Variants in CCDC60 observed in about 807,000 individuals in gnomAD.
CCDC60 encodes the protein coiled-coil domain containing 60.
In CCDC60, 54 loss-of-function variants were observed where a neutral mutation model predicts 63.5. The ratio of observed to expected loss-of-function variants is 0.85; its 90% CI spans 0.68 to 1.07. CCDC60 has a LOEUF of 1.07. Among genes scored for constraint, CCDC60 ranks in the 50% least tolerant of loss-of-function variants. The probability of loss-of-function intolerance (pLI) is 0.00; values close to 1 mark genes in which losing one functional copy is unlikely to be tolerated. For missense variants in CCDC60, 651 were observed against 684.3 expected, an observed-to-expected ratio of 0.95 and a Z score of 0.54; for synonymous variants, 206 against 238.8, an observed-to-expected ratio of 0.86 and a Z score of 1.27.
chr12:119,440,372 T>C (rs903855832), intron 2 of CCDC60, among the ~76,000 whole-genome samples: 2 of 151,810 alleles, frequency 1.3e-5, no homozygotes, highest in South Asian at 2.1e-4. Context: ...CTACTAAAAA[T>C]ACAAAAAATT....
rs1956587930 is a variant in CCDC60 at position 119,410,949 on chromosome 12, G to A, written c.91-17734G>A. ...TTTAGTAGAGACAGGGTTTTGCCAT[G>A]TTGGCTAGGCTGGCCTCAAGTGATC... On this transcript the variant is annotated intron_variant, in intron 1 of 13. Coordinates refer to ENST00000327554, the MANE Select transcript of CCDC60 (RefSeq NM_178499.5). This position sits in a 1 kb window ranked among gnomAD's most constrained non-coding sequence, Gnocchi z 4.0. Among the ~76,000 whole-genome samples, 1 of 152,092 alleles carries A rather than the reference G, an allele frequency of 6.6e-6. No individual in the cohort carries two copies. Among genetic ancestry groups the A allele is most frequent in the Admixed American group, 6.5e-5 (1 of 15,268 alleles).
intron 9 of CCDC60, 64 bp from the exon 10 acceptor site, chr12:119,522,875 T>C (rs1183748746): frequency 6.7e-6 from 10 of 1,486,342 alleles, no homozygotes; most frequent in Non-Finnish European, 9.4e-6. Context: ...CATGGAGCAC[T>C]GGGGGCACCC....
intron 12 of CCDC60, among the ~76,000 whole-genome samples, chr12:119,530,195 A>G (rs1952798018): frequency 6.6e-6 from 1 of 152,042 alleles, no homozygotes; most frequent in African/African-American, 2.4e-5. Flanking sequence ...GAAGCCCAAA[A>G]CATATAATGG....
chr12:119,476,458 C>T (rs1451733745), intron 3 of CCDC60, among the ~76,000 whole-genome samples: 2 of 152,114 alleles, frequency 1.3e-5, no homozygotes, highest in South Asian at 2.1e-4. Flanking sequence ...TGGAAGTGAA[C>T]ATTGGAGGAC....
At chr12:119,455,788 AAAG>A (rs1279844188) in intron 2 of CCDC60, among the ~76,000 whole-genome samples, 9 of 147,658 alleles carry the variant, frequency 6.1e-5, no homozygotes, top group East Asian at 2.1e-4. Context: ...AAAGAAAGAA[AAAG>A]AAGAAGAAAA....
intron 2 of CCDC60, among the ~76,000 whole-genome samples, chr12:119,445,862 C>G (rs984181890): frequency 1.3e-5 from 2 of 152,080 alleles, no homozygotes; most frequent in Non-Finnish European, 2.9e-5. Context: ...CGTGTGTTCT[C>G]AAGCTAAGCT....
intron 1 of CCDC60, among the ~76,000 whole-genome samples, chr12:119,415,729 C>T (rs561758873): frequency 6.6e-6 from 1 of 152,288 alleles, no homozygotes; most frequent in East Asian, 1.9e-4. Flanking sequence ...TAAATTAGCT[C>T]AGGGCTTAGT....
intron 1 of CCDC60, among the ~76,000 whole-genome samples, chr12:119,362,967 A>C (rs1319215842): frequency 6.6e-6 from 1 of 152,176 alleles, no homozygotes; most frequent in Non-Finnish European, 1.5e-5. Flanking sequence ...GTGTGGTGGC[A>C]CATGCCTGTA....
chr12:119,414,673 C>T (rs1160351227), intron 1 of CCDC60, among the ~76,000 whole-genome samples: 1 of 152,162 alleles, frequency 6.6e-6, no homozygotes, highest in Non-Finnish European at 1.5e-5. Context: ...GCCTCAGCCT[C>T]CTGAGTAGCA....
At chr12:119,411,637 A>T (rs1485422732) in intron 1 of CCDC60, among the ~76,000 whole-genome samples, 15 of 152,164 alleles carry the variant, frequency 9.9e-5, no homozygotes, top group Admixed American at 9.8e-4. Flanking sequence ...TTTCAGACAG[A>T]AGGAACCAGA....
intron 2 of CCDC60, among the ~76,000 whole-genome samples, chr12:119,469,613 A>C (rs543098002): frequency 5.9e-5 from 9 of 152,316 alleles, no homozygotes; most frequent in Admixed American, 3.3e-4. Context: ...TCAGACTTCA[A>C]ACTCCTGGTC....
intron 5 of CCDC60, among the ~76,000 whole-genome samples, chr12:119,494,410 C>T (rs1011430177): frequency 1.3e-5 from 2 of 152,198 alleles, no homozygotes; most frequent in Non-Finnish European, 2.9e-5. Flanking sequence ...CCTGTGCTTT[C>T]CCCTGGTGCC....
At chr12:119,433,329 C>T in intron 2 of CCDC60, 1 of 690,676 alleles carries the variant, frequency 1.4e-6, no homozygotes, top group South Asian at 1.5e-5. Flanking sequence ...CTGTCACTCC[C>T]AACAGACGCA....
chr12:119,422,698 A>T (rs1956835448), intron 1 of CCDC60, among the ~76,000 whole-genome samples: 1 of 152,202 alleles, frequency 6.6e-6, no homozygotes, highest in African/African-American at 2.4e-5. Flanking sequence ...CAGCATTAGG[A>T]ATTACATTTC....
chr12:119,531,066 A>G lies in CCDC60; in HGVS notation c.1551+3A>G, dbSNP rs1409817775. 6.2e-7 allele frequency: 1 copy of G among 1,612,430 alleles called. No homozygotes were observed. The highest frequency in any genetic ancestry group is 1.7e-5 in the Admixed American group (1 of 59,922). ...CTGACATCGCTGTGGCTATTGAGGT[A>G]AACACCACCTCCTTCCCCTCCACAG... On this transcript the variant is annotated splice_donor_region_variant and intron_variant, in intron 13 of 13. Transcript: ENST00000327554.
Position 119,395,109 on chromosome 12 carries a change from C to T in CCDC60, c.91-33574C>T, listed in dbSNP as rs1256933816. ...AGGAGTTCAGCGTGTTTCAGAAGTA[C>T]TCAGAGTGGCTGCAGAAAAGAGTGT... On this transcript the variant is annotated intron_variant, in intron 1 of 13. Coordinates refer to ENST00000327554, the MANE Select transcript of CCDC60 (RefSeq NM_178499.5). 1.3e-5 allele frequency among the ~76,000 whole-genome samples: 2 copies of T among 152,162 alleles called. 1 individual carries two copies. Among genetic ancestry groups the T allele is most frequent in the East Asian group, 3.9e-4 (2 of 5,190 alleles).
In CCDC60 at chr12:119,525,492, T is replaced by A. The variant is rs138264376; in HGVS notation, c.1229+1674T>A. ...GCCAGAAGAGACTGGGGGGCTATAT[T>A]CAACATTCTTAAAGAAAAAAATCTT... On this transcript the variant is annotated intron_variant, in intron 11 of 13. Transcript: ENST00000327554. 3.9e-5 allele frequency among the ~76,000 whole-genome samples: 6 copies of A among 152,278 alleles called. No homozygotes were observed. The East Asian group carries it at 1.2e-3, about 29-fold the overall frequency.
chr12:119,367,163 A>G (rs1022137953), intron 1 of CCDC60, among the ~76,000 whole-genome samples: 1 of 152,206 alleles, frequency 6.6e-6, no homozygotes, highest in Non-Finnish European at 1.5e-5. Context: ...GCTATGTGCC[A>G]GACACAATTC....
At chr12:119,537,156 A>C (rs1469064986) in intron 13 of CCDC60, among the ~76,000 whole-genome samples, 1 of 152,088 alleles carries the variant, frequency 6.6e-6, no homozygotes, top group Non-Finnish European at 1.5e-5. Flanking sequence ...TATTTCATTA[A>C]TTTGATCTTC....
Sources: gnomAD v4.1 joint callset for allele counts (sites outside exome capture counted in the v4.1 genomes callset) on GRCh38, gnomAD v4.1.1 for gene constraint, Gnocchi (gnomAD v3.1) non-coding constraint, MANE v1.5 for transcripts, NCBI Gene and HGNC (gene_info 2026-07-23, HGNC 2026-07-21) for gene names.